Variants in ANKRD31 observed in about 807,000 individuals in gnomAD.
The protein encoded by ANKRD31 is ankyrin repeat domain-containing protein 31.
In ANKRD31, 147 loss-of-function variants were observed where a neutral mutation model predicts 186.0. The ratio of observed to expected loss-of-function variants is 0.79; its 90% CI spans 0.69 to 0.91. The LOEUF is 0.91. Among genes scored for constraint, ANKRD31 ranks in the 40% least tolerant of loss-of-function variants. The probability of loss-of-function intolerance (pLI) is 0.00; values close to 1 mark genes in which losing one functional copy is unlikely to be tolerated. For missense variants in ANKRD31, 1,986 were observed against 2,148.8 expected (o/e 0.92, Z 1.50); for synonymous variants, 673 against 736.4 (o/e 0.91, Z 1.39).
At position 75,236,691 on chromosome 5, in the gene ANKRD31, G is replaced by A; in HGVS notation, c.-5C>T. The A allele has an allele frequency of 6.5e-7, 1 of 1,535,574 alleles. No homozygotes were observed. The highest frequency in any genetic ancestry group is 8.7e-7 in the Non-Finnish European group (1 of 1,145,848). ...GGCCTGGACGCCTTCCTCCATCTTT[G>A]CCTCACATTCAAAGTCTTTTTTACC... On this transcript the variant is annotated 5_prime_UTR_variant, in exon 1 of 26. Coordinates refer to ENST00000506364, the MANE Select transcript of ANKRD31 (RefSeq NM_001372053.1).
intron 17 of ANKRD31, among the ~76,000 whole-genome samples, chr5:75,120,934 C>T (rs575626617): frequency 6.6e-6 from 1 of 152,196 alleles, no homozygotes; most frequent in African/African-American, 2.4e-5. Context: ...CCTGTAATCC[C>T]AGCACTTTGG....
chr5:75,150,797 T>C (rs1751786452), intron 12 of ANKRD31, among the ~76,000 whole-genome samples: 1 of 152,064 alleles, frequency 6.6e-6, no homozygotes, highest in South Asian at 2.1e-4. Flanking sequence ...AAGCAGATTA[T>C]CAAAGCAATA....
intron 7 of ANKRD31, among the ~76,000 whole-genome samples, chr5:75,194,358 C>T (rs553521277): frequency 7.4e-4 from 111 of 150,280 alleles, no homozygotes; most frequent in African/African-American, 2.7e-3. Context: ...CTACACTTTA[C>T]TCATATTCCC....
At chr5:75,125,706 C>A (rs1246262645) in intron 17 of ANKRD31, among the ~76,000 whole-genome samples, 2 of 152,120 alleles carry the variant, frequency 1.3e-5, no homozygotes, top group Admixed American at 6.6e-5. Flanking sequence ...CTCAGAGACA[C>A]TGGGACCCTG....
At chr5:75,089,954 G>A (rs1333068604) in intron 23 of ANKRD31, among the ~76,000 whole-genome samples, 1 of 152,194 alleles carries the variant, frequency 6.6e-6, no homozygotes, top group Non-Finnish European at 1.5e-5. Flanking sequence ...TAGTTCTAAT[G>A]GAGAAACAGA....
intron 17 of ANKRD31, among the ~76,000 whole-genome samples, chr5:75,119,866 A>C (rs1201140294): frequency 6.6e-6 from 1 of 152,090 alleles, no homozygotes; most frequent in East Asian, 1.9e-4. Flanking sequence ...CATTTTTTTC[A>C]TATGTTTGTT....
At chr5:75,123,957 C>T (rs1264452922) in intron 17 of ANKRD31, among the ~76,000 whole-genome samples, 3 of 151,924 alleles carry the variant, frequency 2.0e-5, no homozygotes, top group South Asian at 2.1e-4. Flanking sequence ...AAAGCTTCTG[C>T]ATGGCAAAGG....
intron 11 of ANKRD31, among the ~76,000 whole-genome samples, chr5:75,157,731 T>A (rs1752282752): frequency 6.6e-6 from 1 of 152,118 alleles, no homozygotes; most frequent in East Asian, 1.9e-4. Flanking sequence ...GACCCTGTTG[T>A]CTAATGGCAT....
chr5:75,088,306 T>C (rs1413886685), intron 23 of ANKRD31, among the ~76,000 whole-genome samples: 1 of 152,076 alleles, frequency 6.6e-6, no homozygotes, highest in African/African-American at 2.4e-5. Flanking sequence ...AGGGTGGAAA[T>C]AAGGATGGAA....
At chr5:75,133,765 G>C (rs10025741) in intron 17 of ANKRD31, among the ~76,000 whole-genome samples, 1 of 152,174 alleles carries the variant, frequency 6.6e-6, no homozygotes, top group Non-Finnish European at 1.5e-5. Flanking sequence ...ATAGTTGGAA[G>C]TAAAGCACTC....
intron 10 of ANKRD31, among the ~76,000 whole-genome samples, chr5:75,183,501 C>T (rs1254993916): frequency 6.6e-6 from 1 of 151,980 alleles, no homozygotes; most frequent in Non-Finnish European, 1.5e-5. Context: ...ATGATATGGT[C>T]TTATATATAG....
intron 18 of ANKRD31, among the ~76,000 whole-genome samples, chr5:75,117,255 C>G (rs893762645): frequency 4.6e-5 from 7 of 152,110 alleles, no homozygotes; most frequent in Non-Finnish European, 8.8e-5. Flanking sequence ...ATGCAGACTT[C>G]CCTGATAAGC....
At chr5:75,075,133 G>C (rs1467400925) in intron 25 of ANKRD31, among the ~76,000 whole-genome samples, 1 of 152,206 alleles carries the variant, frequency 6.6e-6, no homozygotes, top group African/African-American at 2.4e-5. Flanking sequence ...TGCAGCCAAA[G>C]ACACAGTTCT....
chr5:75,112,382 C>CT, intron 20 of ANKRD31, 131 bp downstream of exon 20: 2 of 561,932 alleles, frequency 3.6e-6, no homozygotes, highest in Non-Finnish European at 6.1e-6. Flanking sequence ...ATTCCTAGCA[C>CT]TTTAAATACT....
At position 75,115,046 on chromosome 5, in the gene ANKRD31, G is replaced by A. The variant is rs1016867712; in HGVS notation, c.4155+1520C>T. ...CAGTAACCAAAACAGCATGGTATTG[G>A]TACCAAAACAGAGATATAGATCAAT... On this transcript the variant is annotated intron_variant, in intron 19 of 25. Transcript: ENST00000506364. 3.3e-5 allele frequency among the ~76,000 whole-genome samples: 5 copies of A among 152,072 alleles called. No homozygotes were observed. The South Asian group carries it at 1.0e-3, about 32-fold the overall frequency.
intron 22 of ANKRD31, among the ~76,000 whole-genome samples, chr5:75,102,324 G>C: frequency 6.6e-6 from 1 of 152,206 alleles, no homozygotes; most frequent in Non-Finnish European, 1.5e-5. Context: ...CCAGCAGTAT[G>C]AGGTGTCAGT....
At position 75,068,641 on chromosome 5, in the gene ANKRD31, T is replaced by A; in HGVS notation, c.5671A>T (p.Ser1891Cys). The A allele has an allele frequency of 6.6e-7, 1 of 1,515,134 alleles. No individual in the cohort carries two copies. Among genetic ancestry groups the A allele is most frequent in the Non-Finnish European group, 8.8e-7 (1 of 1,138,458 alleles). 93.9% of individuals were successfully genotyped at this position (1,515,134 alleles called of 1,614,324 possible). A position where few individuals can be genotyped will look rare whatever the true frequency, so the allele number is the denominator to read the frequency against. ...GQGTSRESMQSSPRYLQINEI... is the reference protein window; with the variant it reads ...GQGTSRESMQCSPRYLQINEI... ...TTTATTTGTAGATAACGTGGGCTGC[T>A]TTGCATTGACTCTCTGGAAGTTCCT... The change falls in exon 26 of 26, where the codon AGC (serine) becomes TGC (cysteine). Residue 1891 changes from serine to cysteine, a missense_variant. Ser to Cys is a moderately radical substitution (Grantham distance 112, BLOSUM62 -1). Transcript: ENST00000506364.
rs1753347007 is a variant in ANKRD31, at chr5:75,171,824, T to C, written c.1565-2703A>G. On this transcript the variant is annotated intron_variant, in intron 10 of 25. Transcript: ENST00000506364. ...AAACTATAGGCCCAGATGGTTTCAC[T>C]CCTAATTCTGTCAAACATTTAAGAA... Among the ~76,000 whole-genome samples, 3 of 151,512 alleles carry C rather than the reference T, an allele frequency of 2.0e-5. No homozygotes were observed. In the South Asian group the frequency reaches 6.3e-4, roughly 32 times the overall value.
At chr5:75,165,925 C>T (rs1180836215) in intron 11 of ANKRD31, among the ~76,000 whole-genome samples, 5 of 152,056 alleles carry the variant, frequency 3.3e-5, no homozygotes, top group African/African-American at 1.2e-4. Context: ...TTTAGATAAC[C>T]TCAGAAATCT....
Sources: gnomAD v4.1 joint callset for allele counts (sites outside exome capture counted in the v4.1 genomes callset) on GRCh38, gnomAD v4.1.1 for gene constraint, MANE v1.5 for transcripts, NCBI Gene and HGNC (gene_info 2026-07-23, HGNC 2026-07-21) for gene names.